Variants in AFG2A observed in about 807,000 individuals in gnomAD.
The protein encoded by AFG2A is ATPase family gene 2 protein homolog A.
the AFG2A span, among the ~76,000 whole-genome samples, chr4:123,169,080 C>T: frequency 6.6e-6 from 1 of 152,140 alleles, no homozygotes; most frequent in African/African-American, 2.4e-5. Flanking sequence ...CAGAGGGTTG[C>T]ACTTTCAATG....
At chr4:123,178,817 G>C in the AFG2A span, among the ~76,000 whole-genome samples, 1 of 152,068 alleles carries the variant, frequency 6.6e-6, no homozygotes, top group African/African-American at 2.4e-5. Context: ...TTGCAATAAA[G>C]AATATTGGAA....
the AFG2A span, among the ~76,000 whole-genome samples, chr4:123,121,858 T>C: frequency 6.6e-6 from 1 of 152,358 alleles, no homozygotes; most frequent in South Asian, 2.1e-4. Flanking sequence ...TTGTTTCCTC[T>C]TGAAGTATAA....
At chr4:123,087,652 A>G in the AFG2A span, among the ~76,000 whole-genome samples, 1 of 152,136 alleles carries the variant, frequency 6.6e-6, no homozygotes, top group African/African-American at 2.4e-5. Context: ...GACTTGTCAA[A>G]CACTGAACCC....
the AFG2A span, among the ~76,000 whole-genome samples, chr4:123,120,411 C>T: frequency 1.3e-5 from 2 of 152,058 alleles, no homozygotes; most frequent in Non-Finnish European, 2.9e-5. Context: ...ATCATTTTAT[C>T]CGTTATAATT....
chr4:123,070,748 T>C, the AFG2A span, among the ~76,000 whole-genome samples: 3 of 152,178 alleles, frequency 2.0e-5, no homozygotes, highest in Non-Finnish European at 2.9e-5. Flanking sequence ...ATCCTTCGCA[T>C]GTTTTGACTG....
At chr4:123,291,003 T>G in the AFG2A span, among the ~76,000 whole-genome samples, 2 of 152,204 alleles carry the variant, frequency 1.3e-5, no homozygotes, top group African/African-American at 4.8e-5. Context: ...TATTTAGGAT[T>G]GTTATATCTT....
the AFG2A span, among the ~76,000 whole-genome samples, chr4:123,177,832 G>A: frequency 3.3e-5 from 5 of 152,232 alleles, no homozygotes; most frequent in Admixed American, 1.3e-4. Flanking sequence ...CCGCATGGCC[G>A]CATAGGGGAC....
chr4:122,970,276 A>G, the AFG2A span, among the ~76,000 whole-genome samples: 19 of 152,134 alleles, frequency 1.2e-4, no homozygotes, highest in Non-Finnish European at 2.9e-5. Context: ...ATTGTGTTAT[A>G]GTTACCTATG....
At chr4:123,104,110 A>T in the AFG2A span, among the ~76,000 whole-genome samples, 1 of 152,142 alleles carries the variant, frequency 6.6e-6, no homozygotes, top group South Asian at 2.1e-4. Flanking sequence ...TGTATTTTTT[A>T]TAAATTGAGT....
At chr4:123,115,605 G>T in the AFG2A span, among the ~76,000 whole-genome samples, 3 of 152,068 alleles carry the variant, frequency 2.0e-5, no homozygotes, top group Non-Finnish European at 4.4e-5. Flanking sequence ...AGGTAGGTCA[G>T]CCCGGCCCCA....
chr4:123,276,964 G>A, the AFG2A span, among the ~76,000 whole-genome samples: 48 of 152,018 alleles, frequency 3.2e-4, no homozygotes, highest in Non-Finnish European at 5.7e-4. Context: ...GGCTATTTGG[G>A]CTCTTTTTTG....
the AFG2A span, among the ~76,000 whole-genome samples, chr4:123,292,183 G>A: frequency 6.6e-6 from 1 of 151,848 alleles, no homozygotes; most frequent in Non-Finnish European, 1.5e-5. Flanking sequence ...ATTGCATTTT[G>A]TAATTCCCAA....
the AFG2A span, among the ~76,000 whole-genome samples, chr4:123,259,032 A>C: frequency 6.6e-6 from 1 of 151,546 alleles, no homozygotes; most frequent in Non-Finnish European, 1.5e-5. Context: ...ACGCCCAGCT[A>C]ATTTTTGTAT....
the AFG2A span, among the ~76,000 whole-genome samples, chr4:123,097,219 A>C: frequency 7.8e-4 from 119 of 152,232 alleles, no homozygotes; most frequent in African/African-American, 2.7e-3. Flanking sequence ...AAAAAGCTAA[A>C]TATACGTATC....
chr4:122,988,253 T>C, the AFG2A span, among the ~76,000 whole-genome samples: 1 of 151,802 alleles, frequency 6.6e-6, no homozygotes, highest in Non-Finnish European at 1.5e-5. Context: ...CATATCTTGG[T>C]GAAGCTCTCT....
the AFG2A span, among the ~76,000 whole-genome samples, chr4:123,298,545 A>G: frequency 6.6e-6 from 1 of 152,220 alleles, no homozygotes; most frequent in African/African-American, 2.4e-5. Flanking sequence ...GATTTCACAT[A>G]TTTGGAGAAA....
chr4:123,071,292 C>T, the AFG2A span, among the ~76,000 whole-genome samples: 1 of 152,032 alleles, frequency 6.6e-6, no homozygotes. Flanking sequence ...ACCAACCTGA[C>T]CAACATGGAG....
the AFG2A span, among the ~76,000 whole-genome samples, chr4:123,159,235 GT>G: frequency 1.3e-5 from 2 of 151,760 alleles, no homozygotes; most frequent in South Asian, 4.2e-4. Context: ...TTTTGTAAAA[GT>G]TTTGGCAAGT....
chr4:123,187,592 C>G, the AFG2A span, among the ~76,000 whole-genome samples: 1 of 152,066 alleles, frequency 6.6e-6, no homozygotes, highest in Admixed American at 6.6e-5. Context: ...ATATTTATTA[C>G]TGATTAGACA....
Sources: gnomAD v4.1 joint callset for allele counts (sites outside exome capture counted in the v4.1 genomes callset) on GRCh38, gnomAD v4.1.1 for gene constraint, MANE v1.5 for transcripts, NCBI Gene and HGNC (gene_info 2026-07-23, HGNC 2026-07-21) for gene names.